The following SLC26A11 variants were observed in gnomAD, a reference collection of about 807,000 sequenced individuals.
The protein encoded by SLC26A11 is sodium-independent sulfate anion transporter.
Under a neutral mutation model 62.2 loss-of-function variants are expected in SLC26A11, and 58 were observed. The ratio of observed to expected loss-of-function variants is 0.93; its 90% confidence interval spans 0.76 to 1.16. SLC26A11 has a LOEUF of 1.16. Ranked by LOEUF, SLC26A11 falls within the 50% of genes most tolerant of loss-of-function variation. The probability of loss-of-function intolerance (pLI) is 0.00; values close to 1 mark genes in which losing one functional copy is unlikely to be tolerated. For synonymous variants in SLC26A11, 411 were observed against 368.9 expected, an observed-to-expected ratio of 1.11 and a Z score of -1.31; for missense variants, 790 against 794.3, an observed-to-expected ratio of 0.99 and a Z score of 0.06.
chr17:80,222,080 A>C lies in SLC26A11; in HGVS notation c.234+286A>C. 1 of 392,908 alleles carries C rather than the reference A, an allele frequency of 2.5e-6. No homozygotes were observed. Among genetic ancestry groups the C allele is most frequent in the South Asian group, 5.1e-5 (1 of 19,616 alleles). The allele number at this position is 392,908 out of a possible 1,614,324, so 24.3% of individuals were successfully genotyped here. A position where few individuals can be genotyped will look rare whatever the true frequency, so the allele number is the denominator to read the frequency against. ...AAATGGTGAAACCCCGTCTCCACTA[A>C]AAATACAAAAATTAGGCTGGGTGCG... On this transcript the variant is annotated intron_variant, in intron 3 of 17. Transcript: ENST00000361193. The surrounding 1 kb of genome is among the most constrained non-coding windows in gnomAD (Gnocchi z 4.7).
intron 15 of SLC26A11, 50 bp from the exon 16 acceptor site, chr17:80,249,084 CCTTTGGCCTCTGCAGAGCAG>C: frequency 1.3e-6 from 2 of 1,547,334 alleles, no homozygotes; most frequent in East Asian, 2.3e-5. Flanking sequence ...GCCAGAGCCT[CCTTTGGCCTCTGCAGAGCAG>C]CTTTGGGCTG....
intron 5 of SLC26A11, among the ~76,000 whole-genome samples, chr17:80,224,357 G>T (rs1339015187): frequency 1.6e-5 from 2 of 122,164 alleles, no homozygotes; most frequent in African/African-American, 3.4e-5. Context: ...GGGTGTGGGT[G>T]TGAGGGAGTG....
intron 10 of SLC26A11, among the ~76,000 whole-genome samples, chr17:80,244,309 C>T (rs2042939395): frequency 6.6e-6 from 1 of 152,210 alleles, no homozygotes; most frequent in African/African-American, 2.4e-5. Flanking sequence ...CCGGCATCAC[C>T]TGGGGAGGCA....
rs1322186922 is a variant in SLC26A11 at position 80,246,563 on chromosome 17, C to T, written c.1208C>T (p.Pro403Leu). Residue 403 changes from proline (P) to leucine (L), a missense_variant, in exon 13 of 18, where the codon CCC becomes CTC. Coordinates refer to ENST00000361193, the MANE Select transcript of SLC26A11 (RefSeq NM_001166347.2). The surrounding 1 kb of genome is among the most constrained non-coding windows in gnomAD (Gnocchi z 4.4). The stretch of plus-strand genomic sequence containing the variant: ...CTGACCTCACTGTTCTACTACATCC[C>T]CAAGTCTGCCCTGGCTGCCGTCATC... The part of the protein sequence containing the change: ...DYLTSLFYYI[P>L]KSALAAVIIM... 1.9e-6 allele frequency: 3 copies of T among 1,613,864 alleles called. No individual in the cohort carries two copies. The highest frequency in any genetic ancestry group is 3.3e-5 in the Admixed American group (2 of 60,030).
At chr17:80,241,661 CAA>C in intron 9 of SLC26A11, 108 bp from the exon 10 acceptor site, 1 of 1,148,034 alleles carries the variant, frequency 8.7e-7, no homozygotes, top group Non-Finnish European at 1.3e-6. Flanking sequence ...CTTAGATTTA[CAA>C]AACTTATTGC....
At chr17:80,237,442 G>T in intron 8 of SLC26A11, 80 bp from the exon 9 acceptor site, 1 of 1,321,124 alleles carries the variant, frequency 7.6e-7, no homozygotes, top group Non-Finnish European at 1.1e-6. Context: ...GGGGCGGGGT[G>T]GGTCCTTGCT....
At chr17:80,226,436 C>T (rs2042413291) in intron 6 of SLC26A11, among the ~76,000 whole-genome samples, 1 of 152,174 alleles carries the variant, frequency 6.6e-6, no homozygotes, top group Non-Finnish European at 1.5e-5. Context: ...CACTGTGGCT[C>T]ACACCTGTAA....
In SLC26A11 at chr17:80,222,476, T is replaced by G. The variant is rs1454390581; in HGVS notation, c.235-179T>G. 1.6e-6 allele frequency: 1 copy of G among 607,890 alleles called. No homozygotes were observed. The highest frequency in any genetic ancestry group is 1.9e-5 in the African/African-American group (1 of 53,702). The allele number at this position is 607,890 out of a possible 1,614,324, so 37.7% of individuals were successfully genotyped here. A position where few individuals can be genotyped will look rare whatever the true frequency, so the allele number is the denominator to read the frequency against. ...TCTGCACCCTGAGGCCCCAGTTGAG[T>G]GCTGCTAAAAAAGTGGCCTCCTGAT... On this transcript the variant is annotated intron_variant, in intron 3 of 17. Coordinates refer to ENST00000361193, the MANE Select transcript of SLC26A11 (RefSeq NM_001166347.2). This position sits in a 1 kb window ranked among gnomAD's most constrained non-coding sequence, Gnocchi z 4.7.
chr17:80,240,128 G>A (rs988305694), intron 9 of SLC26A11, among the ~76,000 whole-genome samples: 5 of 152,236 alleles, frequency 3.3e-5, no homozygotes, highest in African/African-American at 1.2e-4. Context: ...AGCACTTTGG[G>A]AGGCCGAGGC....
intron 7 of SLC26A11, among the ~76,000 whole-genome samples, chr17:80,233,584 A>ATTTTTTTTTTTTTTTTT (rs56289503): frequency 7.0e-6 from 1 of 142,406 alleles, no homozygotes. Flanking sequence ...CTCTTTCAGC[A>ATTTTTTTTTTTTTTTTT]TTTTTTTTTT....
At chr17:80,224,754 TGAGAGTG>T (rs1288432380) in intron 5 of SLC26A11, among the ~76,000 whole-genome samples, 1 of 152,056 alleles carries the variant, frequency 6.6e-6, no homozygotes, top group Non-Finnish European at 1.5e-5. Context: ...AGGATCCCAG[TGAGAGTG>T]GAGAGCGGAG....
chr17:80,222,084 T>C lies in SLC26A11; in HGVS notation c.234+290T>C. On this transcript the variant is annotated intron_variant, in intron 3 of 17. Coordinates refer to ENST00000361193, the MANE Select transcript of SLC26A11 (RefSeq NM_001166347.2). The surrounding 1 kb of genome is among the most constrained non-coding windows in gnomAD (Gnocchi z 4.7). The stretch of plus-strand genomic sequence containing the variant: ...GGTGAAACCCCGTCTCCACTAAAAA[T>C]ACAAAAATTAGGCTGGGTGCGGTGG... 2 of 381,782 alleles carry C rather than the reference T, an allele frequency of 5.2e-6. No homozygotes were observed. The highest frequency in any genetic ancestry group is 4.7e-6 in the Non-Finnish European group (1 of 214,914). The allele number at this position is 381,782 out of a possible 1,614,324, so 23.6% of individuals were successfully genotyped here. A position where few individuals can be genotyped will look rare whatever the true frequency, so the allele number is the denominator to read the frequency against.
chr17:80,247,621 G>A (rs950570235), intron 13 of SLC26A11, among the ~76,000 whole-genome samples: 9 of 152,236 alleles, frequency 5.9e-5, no homozygotes, highest in Non-Finnish European at 1.2e-4. Context: ...GTGCCAGTGC[G>A]CTGGGGCTTT....
In SLC26A11 at chr17:80,247,762, C is replaced by T. The variant is rs144484022; in HGVS notation, c.1295-368C>T. Among the ~76,000 whole-genome samples the T allele has an allele frequency of 3.3e-3, 497 of 152,294 alleles. 1 individual carries two copies. Among genetic ancestry groups the T allele is most frequent in the African/African-American group, 0.011 (469 of 41,572 alleles). Reference sequence around the variant, plus strand: ...GTGGAATCCCCCACAGGGCTAAGCCCGTGCACTTTGTCCCCAGGGCACCTT... The same window carrying T: ...GTGGAATCCCCCACAGGGCTAAGCCTGTGCACTTTGTCCCCAGGGCACCTT... On this transcript the variant is annotated intron_variant, in intron 13 of 17. Transcript: ENST00000361193.
Position 80,222,645 on chromosome 17 carries a change from C to G in SLC26A11, c.235-10C>G, listed in dbSNP as rs184994196. ...GCCTCCTGAGTGCTCACCACCCTCT[C>G]TCCCCACAGTATGGCCTCTACTCTG... On this transcript the variant is annotated splice_polypyrimidine_tract_variant and intron_variant, in intron 3 of 17. Coordinates refer to ENST00000361193, the MANE Select transcript of SLC26A11 (RefSeq NM_001166347.2). This position sits in a 1 kb window ranked among gnomAD's most constrained non-coding sequence, Gnocchi z 4.7. The G allele has an allele frequency of 1.1e-4, 172 of 1,612,456 alleles. No individual in the cohort carries two copies. The highest frequency in any genetic ancestry group is 4.0e-4 in the Admixed American group (24 of 59,946).
chr17:80,241,032 G>T (rs1266565963), intron 9 of SLC26A11, among the ~76,000 whole-genome samples: 1 of 151,952 alleles, frequency 6.6e-6, no homozygotes, highest in African/African-American at 2.4e-5. Context: ...TTGAGCCCAG[G>T]AGGTCAAGGT....
chr17:80,238,321 C>G (rs964376878), intron 9 of SLC26A11, among the ~76,000 whole-genome samples: 1 of 152,214 alleles, frequency 6.6e-6, no homozygotes, highest in Admixed American at 6.5e-5. Context: ...CCACTGCACT[C>G]CAGCCTGGGC....
rs981123861 is a variant in SLC26A11, at chr17:80,229,492, C to T, written c.736+1532C>T. On this transcript the variant is annotated intron_variant, in intron 7 of 17. Transcript: ENST00000361193. Reference sequence around the variant, plus strand: ...TGTTGCCCAGGCTGGAGTGCACTGGCGTGATCTTGGCTCACTGCAACCTGC... The same window carrying T: ...TGTTGCCCAGGCTGGAGTGCACTGGTGTGATCTTGGCTCACTGCAACCTGC... 4.6e-5 allele frequency among the ~76,000 whole-genome samples: 7 copies of T among 151,968 alleles called. No individual in the cohort carries two copies. The South Asian group carries it at 6.2e-4, about 14-fold the overall frequency.
intron 6 of SLC26A11, 139 bp from the exon 7 acceptor site, chr17:80,227,679 G>T (rs1017100108): frequency 8.7e-7 from 1 of 1,153,990 alleles, no homozygotes; most frequent in Non-Finnish European, 1.2e-6. Context: ...TACTCACTGT[G>T]GTCTGGGACC....
Sources: gnomAD v4.1 joint callset for allele counts (sites outside exome capture counted in the v4.1 genomes callset) on GRCh38, gnomAD v4.1.1 for gene constraint, Gnocchi (gnomAD v3.1) non-coding constraint, MANE v1.5 for transcripts, NCBI Gene and HGNC (gene_info 2026-07-23, HGNC 2026-07-21) for gene names.